ORC2: variants seen among roughly 807,000 people sequenced by gnomAD.
The protein encoded by ORC2 is origin recognition complex protein 2 homolog.
Under a neutral mutation model 77.7 loss-of-function variants are expected in ORC2, and 37 were observed. The observed-to-expected ratio is 0.48, with a 90% CI of 0.37 to 0.63. ORC2 has a LOEUF of 0.63. Among genes scored for constraint, ORC2 ranks in the 20% least tolerant of loss-of-function variants. The pLI is 0.00. For missense variants in ORC2, 557 were observed against 661.9 expected, an observed-to-expected ratio of 0.84 and a Z score of 1.74; for synonymous variants, 201 against 229.5, an observed-to-expected ratio of 0.88 and a Z score of 1.12.
At chr2:200,928,453 T>C (rs72929020) in intron 11 of ORC2, among the ~76,000 whole-genome samples, 8,059 of 152,240 alleles carry the variant, frequency 0.053, 257 homozygotes, top group Middle Eastern at 0.1. Flanking sequence ...GTTCAGTAGC[T>C]TCACTGTAGC....
intron 15 of ORC2, among the ~76,000 whole-genome samples, chr2:200,914,883 T>C (rs901934331): frequency 3.9e-5 from 6 of 152,040 alleles, no homozygotes; most frequent in Admixed American, 1.3e-4. Context: ...TCATACTGGG[T>C]ATGCTGTTAT....
Position 200,946,991 on chromosome 2 carries a change from G to A in ORC2, c.328+2563C>T, listed in dbSNP as rs189996135. On this transcript the variant is annotated intron_variant, in intron 5 of 17. Coordinates refer to ENST00000234296, the MANE Select transcript of ORC2 (RefSeq NM_006190.5). ...AATCTTGGCTCACTGCAACCTCCAC[G>A]TTCTGGGTTCAAGTGATTCTCCTGC... Among the ~76,000 whole-genome samples, 276 of 151,930 alleles carry A rather than the reference G, an allele frequency of 1.8e-3. 1 individual carries two copies. The highest frequency in any genetic ancestry group is 6.5e-3 in the African/African-American group (268 of 41,426).
chr2:200,913,954 T>C lies in ORC2; in HGVS notation c.1505A>G (p.Asn502Ser). 9.4e-6 allele frequency: 15 copies of C among 1,590,012 alleles called. No homozygotes were observed. Among genetic ancestry groups the C allele is most frequent in the Non-Finnish European group, 1.3e-5 (15 of 1,172,360 alleles). Reference protein sequence around the residue: ...FRLLIKYQLDNQDNPSYIGLS... With the variant: ...FRLLIKYQLDSQDNPSYIGLS... The stretch of plus-strand genomic sequence containing the variant: ...ACCAATGTAAGAAGGGTTATCCTGG[T>C]TGTCCAGCTGGTATTTTATTAGTAG... The change falls in exon 16 of 18, where the codon AAC (asparagine) becomes AGC (serine). Residue 502 changes from asparagine to serine, a missense_variant. Physicochemically the swap from Asn to Ser is conservative, Grantham distance 46. Coordinates refer to ENST00000234296, the MANE Select transcript of ORC2 (RefSeq NM_006190.5).
Position 200,942,797 on chromosome 2 carries a change from TA to T in ORC2, c.329-21del. 6.7e-7 allele frequency: 1 copy of T among 1,496,500 alleles called. No homozygotes were observed. Among genetic ancestry groups the T allele is most frequent in the Non-Finnish European group, 9.2e-7 (1 of 1,083,820 alleles). The allele number at this position is 1,496,500 out of a possible 1,614,324, so 92.7% of individuals were successfully genotyped here. A position where few individuals can be genotyped will look rare whatever the true frequency, so the allele number is the denominator to read the frequency against. The stretch of plus-strand genomic sequence containing the variant: ...CTGAAGCTGTAAACAAAGAAATATA[TA>T]AAAACCTTTTAAAGGACAACAGTAG... On this transcript the variant is annotated intron_variant, in intron 5 of 17. Transcript: ENST00000234296.
At chr2:200,916,118 A>G (rs1343071673) in intron 15 of ORC2, among the ~76,000 whole-genome samples, 1 of 152,320 alleles carries the variant, frequency 6.6e-6, no homozygotes, top group East Asian at 1.9e-4. Flanking sequence ...AATCAAGCAA[A>G]ATTTCAAAAT....
chr2:200,933,854 A>G, intron 10 of ORC2, 22 bp downstream of exon 10: 1 of 1,420,698 alleles, frequency 7.0e-7, no homozygotes, highest in Non-Finnish European at 9.8e-7. Context: ...AAAATTTAGA[A>G]GTAACATTCC....
intron 1 of ORC2, among the ~76,000 whole-genome samples, chr2:200,962,872 T>G (rs2041606240): frequency 6.6e-6 from 1 of 152,338 alleles, no homozygotes; most frequent in South Asian, 2.1e-4. Context: ...CGTCTCAACA[T>G]CTTTTTAATT....
At position 200,936,247 on chromosome 2, in the gene ORC2, C is replaced by T. The variant is rs529155267; in HGVS notation, c.515-355G>A. On this transcript the variant is annotated intron_variant, in intron 8 of 17. Transcript: ENST00000234296. Reference sequence around the variant, plus strand: ...CAATTTTGCAAAATATGGCAATATGCCCCATCCTAGGGGATGAATCATGGT... The same window carrying T: ...CAATTTTGCAAAATATGGCAATATGTCCCATCCTAGGGGATGAATCATGGT... Among the ~76,000 whole-genome samples, 10 of 152,244 alleles carry T rather than the reference C, an allele frequency of 6.6e-5. No homozygotes were observed. The South Asian group carries it at 2.1e-3, about 32-fold the overall frequency.
intron 9 of ORC2, 131 bp downstream of exon 9, chr2:200,935,568 G>T: frequency 1.5e-6 from 1 of 681,242 alleles, no homozygotes; most frequent in Non-Finnish European, 2.4e-6. Context: ...GGGAATTTAT[G>T]TGGAAGGCTG....
intron 14 of ORC2, among the ~76,000 whole-genome samples, 187 bp from the exon 15 acceptor site, chr2:200,920,580 C>G (rs1034274992): frequency 1.3e-5 from 2 of 152,160 alleles, no homozygotes; most frequent in African/African-American, 4.8e-5. Flanking sequence ...ACATCTGAAC[C>G]TTTATTTTCA....
Position 200,931,443 on chromosome 2 carries a change from A to G in ORC2, c.813T>C (p.Thr271=). 6.4e-7 allele frequency: 1 copy of G among 1,550,652 alleles called. No individual in the cohort carries two copies. Among genetic ancestry groups the G allele is most frequent in the Non-Finnish European group, 8.7e-7 (1 of 1,149,074 alleles). Residue 271 remains threonine (T), a synonymous_variant, in exon 11 of 18, where the codon ACT becomes ACC. Coordinates refer to ENST00000234296, the MANE Select transcript of ORC2 (RefSeq NM_006190.5). The stretch of plus-strand genomic sequence containing the variant: ...AAACCTTGCTCAATAAGTTACGCAA[A>G]GTTTGCTTTAAAAAAAAGGAGGAGG... ...KLKRAKLDQQ[T]LRNLLSKVSP...
At chr2:200,914,461 C>T (rs763455688) in intron 15 of ORC2, among the ~76,000 whole-genome samples, 10 of 152,102 alleles carry the variant, frequency 6.6e-5, no homozygotes, top group African/African-American at 1.4e-4. Flanking sequence ...CCACTGTACC[C>T]GGCCCGCTTT....
chr2:200,944,856 C>A (rs1329528600), intron 5 of ORC2, among the ~76,000 whole-genome samples: 2 of 152,186 alleles, frequency 1.3e-5, no homozygotes, highest in Non-Finnish European at 2.9e-5. Flanking sequence ...CACTATTTAA[C>A]ACATAACTTT....
Position 200,932,646 on chromosome 2 carries a change from A to G in ORC2, c.808-1198T>C, listed in dbSNP as rs182379532. On this transcript the variant is annotated intron_variant, in intron 10 of 17. Transcript: ENST00000234296. ...AGCCTCCATGCCCAGCCTCATTTCA[A>G]ACTTTAATTAATATTCATGGAAAAC... Among the ~76,000 whole-genome samples, 16 of 152,206 alleles carry G rather than the reference A, an allele frequency of 1.1e-4. No homozygotes were observed. In the East Asian group the frequency reaches 3.1e-3, roughly 29 times the overall value.
At chr2:200,938,414 G>A (rs2041086643) in intron 7 of ORC2, among the ~76,000 whole-genome samples, 1 of 152,038 alleles carries the variant, frequency 6.6e-6, no homozygotes, top group Admixed American at 6.6e-5. Context: ...TATGGCAATG[G>A]GCCTTTTAAT....
At chr2:200,962,193 C>CA (rs1454869940) in intron 1 of ORC2, among the ~76,000 whole-genome samples, 6 of 152,062 alleles carry the variant, frequency 3.9e-5, no homozygotes, top group Non-Finnish European at 5.9e-5. Flanking sequence ...AACAAACGAA[C>CA]AAAAAAACCT....
intron 9 of ORC2, 139 bp downstream of exon 9, chr2:200,935,560 G>T: frequency 1.5e-6 from 1 of 648,324 alleles, no homozygotes; most frequent in Non-Finnish European, 2.5e-6. Flanking sequence ...ATATATGTGG[G>T]AATTTATGTG....
intron 8 of ORC2, among the ~76,000 whole-genome samples, chr2:200,937,049 G>A: frequency 6.6e-6 from 1 of 152,020 alleles, no homozygotes. Flanking sequence ...AGCAGATTCA[G>A]GTGTGCATTG....
At chr2:200,951,939 G>A (rs1461857993) in intron 4 of ORC2, among the ~76,000 whole-genome samples, 1 of 152,034 alleles carries the variant, frequency 6.6e-6, no homozygotes, top group South Asian at 2.1e-4. Context: ...CTGTAATCAA[G>A]ACCAAAACCA....
Sources: gnomAD v4.1 joint callset for allele counts (sites outside exome capture counted in the v4.1 genomes callset) on GRCh38, gnomAD v4.1.1 for gene constraint, MANE v1.5 for transcripts, NCBI Gene and HGNC (gene_info 2026-07-23, HGNC 2026-07-21) for gene names.